Variants in KCNAB1 observed in about 807,000 individuals in gnomAD.
KCNAB1 encodes the protein potassium voltage-gated channel subfamily A regulatory beta subunit 1.
In KCNAB1, 35 loss-of-function variants were observed where a neutral mutation model predicts 64.6. The observed-to-expected ratio is 0.54, with a 90% confidence interval of 0.41 to 0.72. The LOEUF (loss-of-function observed/expected upper bound fraction) is 0.72. Ranked by LOEUF, KCNAB1 falls within the 30% of genes least tolerant of loss-of-function variation. KCNAB1 has a pLI of 0.00. For synonymous variants in KCNAB1, 177 were observed against 183.8 expected (o/e 0.96, Z 0.30); for missense variants, 401 against 512.9 (o/e 0.78, Z 2.11).
At chr3:156,241,488 C>T (rs1320886862) in intron 1 of KCNAB1, among the ~76,000 whole-genome samples, 28 of 152,170 alleles carry the variant, frequency 1.8e-4, no homozygotes, top group Admixed American at 1.7e-3. Context: ...ATATTCTTTG[C>T]CTTCTGAGTT....
chr3:156,356,777 T>C (rs565552416), intron 1 of KCNAB1, among the ~76,000 whole-genome samples: 5 of 152,356 alleles, frequency 3.3e-5, no homozygotes, highest in Non-Finnish European at 7.3e-5. Context: ...CAGAAGTGTC[T>C]TTTAGTAGCC....
At chr3:156,327,717 G>A (rs1319080502) in intron 1 of KCNAB1, among the ~76,000 whole-genome samples, 2 of 152,154 alleles carry the variant, frequency 1.3e-5, no homozygotes, top group African/African-American at 4.8e-5. Flanking sequence ...TTGGCACAGA[G>A]TAGAAAGTGG....
At chr3:156,224,396 G>A (rs968946112) in intron 1 of KCNAB1, among the ~76,000 whole-genome samples, 3 of 152,258 alleles carry the variant, frequency 2.0e-5, no homozygotes, top group Admixed American at 1.3e-4. Flanking sequence ...GGGCTGAAGG[G>A]CTCTTCAAGC....
intron 1 of KCNAB1, among the ~76,000 whole-genome samples, chr3:156,389,337 T>C (rs192745972): frequency 6.6e-6 from 1 of 152,330 alleles, no homozygotes; most frequent in East Asian, 1.9e-4. Context: ...CGCCTTGCCA[T>C]GACCTTGGCT....
intron 2 of KCNAB1, among the ~76,000 whole-genome samples, chr3:156,441,638 T>A (rs1717011347): frequency 6.6e-6 from 1 of 152,112 alleles, no homozygotes; most frequent in Non-Finnish European, 1.5e-5. Context: ...ACATGGAAGG[T>A]GTCTAATTTT....
intron 1 of KCNAB1, among the ~76,000 whole-genome samples, chr3:156,208,952 T>A (rs533171060): frequency 9.8e-5 from 15 of 152,314 alleles, no homozygotes; most frequent in African/African-American, 3.6e-4. Flanking sequence ...TATAAATGCA[T>A]AACGTAAGAA....
At chr3:156,368,230 C>G (rs539307824) in intron 1 of KCNAB1, among the ~76,000 whole-genome samples, 67 of 152,228 alleles carry the variant, frequency 4.4e-4, no homozygotes, top group Non-Finnish European at 7.9e-4. Flanking sequence ...TCAAATTTAA[C>G]TGGGCATTCT....
At chr3:156,494,880 TA>T (rs1231412956) in intron 8 of KCNAB1, among the ~76,000 whole-genome samples, 1 of 152,168 alleles carries the variant, frequency 6.6e-6, no homozygotes, top group African/African-American at 2.4e-5. Flanking sequence ...TTCCAACTTT[TA>T]AGTTCAGGAA....
intron 1 of KCNAB1, among the ~76,000 whole-genome samples, chr3:156,356,146 AAAAG>A (rs1413239901): frequency 1.7e-4 from 26 of 150,638 alleles, no homozygotes; most frequent in African/African-American, 6.2e-4. Flanking sequence ...GAAAGAAAAG[AAAAG>A]AAAGAGAGAG....
intron 12 of KCNAB1, among the ~76,000 whole-genome samples, chr3:156,526,859 G>C (rs1285490823): frequency 1.3e-5 from 1 of 78,888 alleles, no homozygotes; most frequent in Admixed American, 1.6e-4. Context: ...GCTGATTCTA[G>C]ACAAAAAAAA....
intron 8 of KCNAB1, among the ~76,000 whole-genome samples, chr3:156,500,596 C>A (rs1298613643): frequency 1.3e-5 from 2 of 152,046 alleles, no homozygotes; most frequent in East Asian, 3.9e-4. Context: ...TGAAGGGTAA[C>A]AACAACTTAT....
rs539741750 is a variant in KCNAB1, at chr3:156,173,352, G to C, written c.275+52466G>C. Among the ~76,000 whole-genome samples the C allele has an allele frequency of 6.6e-5, 10 of 152,308 alleles. No homozygotes were observed. The South Asian group carries it at 2.1e-3, about 32-fold the overall frequency. ...GGGTGTAATAAGACAATGGGAAGAAGAGGGTCTAAAAAAACACACAAAAAA... is the reference window on the plus strand; with the variant it reads ...GGGTGTAATAAGACAATGGGAAGAACAGGGTCTAAAAAAACACACAAAAAA... On this transcript the variant is annotated intron_variant, in intron 1 of 13. Coordinates refer to ENST00000490337, the MANE Select transcript of KCNAB1 (RefSeq NM_172160.3).
chr3:156,505,375 G>C (rs996041396), intron 8 of KCNAB1, among the ~76,000 whole-genome samples: 1 of 152,074 alleles, frequency 6.6e-6, no homozygotes, highest in African/African-American at 2.4e-5. Context: ...GATTGCTTTG[G>C]CTATTCTGGG....
intron 1 of KCNAB1, among the ~76,000 whole-genome samples, chr3:156,266,492 G>T (rs1271720501): frequency 6.6e-6 from 1 of 152,176 alleles, no homozygotes; most frequent in Non-Finnish European, 1.5e-5. Context: ...GATAGATTGA[G>T]AAATGTCCTT....
At chr3:156,350,910 A>T (rs1724812914) in intron 1 of KCNAB1, among the ~76,000 whole-genome samples, 1 of 152,246 alleles carries the variant, frequency 6.6e-6, no homozygotes, top group African/African-American at 2.4e-5. Flanking sequence ...GCCCTCACCC[A>T]GCTGTGCAGG....
At chr3:156,510,653 C>T (rs1411059452) in intron 8 of KCNAB1, among the ~76,000 whole-genome samples, 1 of 152,244 alleles carries the variant, frequency 6.6e-6, no homozygotes, top group Non-Finnish European at 1.5e-5. Context: ...TGGCTCCAAC[C>T]TTGCTTGATC....
intron 12 of KCNAB1, among the ~76,000 whole-genome samples, chr3:156,529,080 C>T (rs1011719388): frequency 5.3e-4 from 80 of 152,066 alleles, no homozygotes; most frequent in Non-Finnish European, 2.4e-4. Context: ...ACAGCTGAAC[C>T]GGAGAAGACA....
chr3:156,144,797 A>G (rs1166193977), intron 1 of KCNAB1, among the ~76,000 whole-genome samples: 1 of 152,238 alleles, frequency 6.6e-6, no homozygotes, highest in African/African-American at 2.4e-5. Context: ...TGGTATTACC[A>G]TGAATTGTTA....
intron 2 of KCNAB1, among the ~76,000 whole-genome samples, chr3:156,422,210 A>T (rs774970415): frequency 2.0e-4 from 31 of 152,244 alleles, no homozygotes; most frequent in Non-Finnish European, 3.2e-4. Flanking sequence ...GATTAAATAG[A>T]GATGGCAATT....
Sources: allele counts gnomAD v4.1 joint callset (sites outside exome capture counted in the v4.1 genomes callset), GRCh38; gene constraint gnomAD v4.1.1; transcripts MANE v1.5; gene names NCBI Gene and HGNC (gene_info 2026-07-23, HGNC 2026-07-21).